GXYLT2: variants seen among roughly 807,000 people sequenced by gnomAD.
The protein encoded by GXYLT2 is glucoside xylosyltransferase 2, also known as glycosyltransferase 8 domain containing 4.
GXYLT2 carries 53 observed loss-of-function variants against 45.8 expected under a neutral mutation model. The ratio of observed to expected loss-of-function variants is 1.16; its 90% confidence interval spans 0.93 to 1.46. The LOEUF (loss-of-function observed/expected upper bound fraction) is 1.46, where lower values mean the gene tolerates loss of function less well. GXYLT2 is among the 40% of genes most tolerant of loss of function. The pLI is 0.00. For synonymous variants in GXYLT2, 219 were observed against 214.2 expected, an observed-to-expected ratio of 1.02 and a Z score of -0.19; for missense variants, 551 against 544.4, an observed-to-expected ratio of 1.01 and a Z score of -0.12.
At chr3:72,925,811 A>G (rs1016959476) in intron 3 of GXYLT2, among the ~76,000 whole-genome samples, 2 of 152,214 alleles carry the variant, frequency 1.3e-5, no homozygotes, top group Non-Finnish European at 2.9e-5. Flanking sequence ...CCAGCTAAGT[A>G]GGTGCTTGGT....
At chr3:72,928,036 CTCTT>C (rs2107108861) in intron 3 of GXYLT2, among the ~76,000 whole-genome samples, 1 of 152,342 alleles carries the variant, frequency 6.6e-6, no homozygotes, top group African/African-American at 2.4e-5. Flanking sequence ...CTCTGTCTCT[CTCTT>C]TCAGTCCCTT....
At position 72,888,105 on chromosome 3, in the gene GXYLT2, C is replaced by T. The variant is rs980268130; in HGVS notation, c.-129C>T. On this transcript the variant is annotated 5_prime_UTR_variant, in exon 1 of 7. Coordinates refer to ENST00000389617, the MANE Select transcript of GXYLT2 (RefSeq NM_001080393.2). ...CCGCCGCCGGCCGCCCGCCGGCCGC[C>T]ACGACCCCAGTCCCCGGCGGGCGGG... The T allele has an allele frequency of 3.7e-6, 2 of 547,080 alleles. No homozygotes were observed. Among genetic ancestry groups the T allele is most frequent in the Non-Finnish European group, 4.6e-6 (2 of 431,886 alleles). 33.9% of individuals were successfully genotyped at this position (547,080 alleles called of 1,614,324 possible). A position where few individuals can be genotyped will look rare whatever the true frequency, so the allele number is the denominator to read the frequency against.
chr3:72,956,084 T>G (rs1575812077), intron 4 of GXYLT2, among the ~76,000 whole-genome samples: 2 of 152,022 alleles, frequency 1.3e-5, no homozygotes, highest in South Asian at 4.1e-4. Flanking sequence ...TTGTATGCCT[T>G]AGAAATTTCC....
intron 2 of GXYLT2, among the ~76,000 whole-genome samples, chr3:72,915,617 A>G (rs1201040961): frequency 6.6e-6 from 1 of 151,854 alleles, no homozygotes; most frequent in Admixed American, 6.6e-5. Flanking sequence ...CGGGCGGATC[A>G]CCTGAGGTTG....
intron 3 of GXYLT2, among the ~76,000 whole-genome samples, chr3:72,935,243 T>G (rs1213390826): frequency 6.6e-6 from 1 of 152,184 alleles, no homozygotes; most frequent in Non-Finnish European, 1.5e-5. Context: ...AAAAAACCTC[T>G]TGTACATTAA....
chr3:72,947,122 A>G (rs1710426751), intron 3 of GXYLT2, among the ~76,000 whole-genome samples: 3 of 152,110 alleles, frequency 2.0e-5, no homozygotes, highest in Admixed American at 2.0e-4. Flanking sequence ...AAAGTGCCCG[A>G]TGAGCTACCA....
chr3:72,950,854 G>A (rs1710509698), intron 3 of GXYLT2, among the ~76,000 whole-genome samples: 1 of 152,320 alleles, frequency 6.6e-6, no homozygotes, highest in South Asian at 2.1e-4. Context: ...CACACTTGGT[G>A]CAGATGGCTG....
In GXYLT2 at chr3:72,888,259, C is replaced by T. The variant is rs960217789; in HGVS notation, c.26C>T (p.Ala9Val). 1 of 994,164 alleles carries T rather than the reference C, an allele frequency of 1.0e-6. No homozygotes were observed. 61.6% of individuals were successfully genotyped at this position (994,164 alleles called of 1,614,324 possible). A position where few individuals can be genotyped will look rare whatever the true frequency, so the allele number is the denominator to read the frequency against. MKLRSKAA[A>V]LLLLALAALL... The stretch of plus-strand genomic sequence containing the variant: ...ATGAAGCTCCGCAGCAAGGCGGCGG[C>T]GCTGCTCTTGCTCGCGCTGGCCGCG... The change falls in exon 1 of 7, where the codon GCG (alanine) becomes GTG (valine). Residue 9 changes from alanine to valine, a missense_variant. By Grantham distance (64) the Ala-to-Val change is moderately conservative. Transcript: ENST00000389617.
rs766263599 is a variant in GXYLT2 at position 72,908,477 on chromosome 3, A to T, written c.386A>T (p.Lys129Ile). The change falls in exon 2 of 7, where the codon AAA (lysine) becomes ATA (isoleucine). Residue 129 changes from lysine (K) to isoleucine (I), a missense_variant. Transcript: ENST00000389617. ...NRLEETLVML[K>I]SAVLFSHRKI... is the part of the protein sequence containing the mutation. Reference sequence around the variant, plus strand: ...CTGGAGGAGACGCTGGTCATGCTCAAATCAGCTGTGCTTTTTAGCCACAGG... The same window carrying T: ...CTGGAGGAGACGCTGGTCATGCTCATATCAGCTGTGCTTTTTAGCCACAGG... 1.9e-6 allele frequency: 3 copies of T among 1,613,982 alleles called. No homozygotes were observed. The highest frequency in any genetic ancestry group is 2.5e-6 in the Non-Finnish European group (3 of 1,179,866).
chr3:72,964,129 G>A (rs1430599497), intron 5 of GXYLT2, among the ~76,000 whole-genome samples: 1 of 151,934 alleles, frequency 6.6e-6, no homozygotes, highest in Non-Finnish European at 1.5e-5. Flanking sequence ...CTTTACTGCT[G>A]TTAAATCGAG....
chr3:72,909,371 G>T (rs997885882), intron 2 of GXYLT2, among the ~76,000 whole-genome samples: 11 of 150,408 alleles, frequency 7.3e-5, no homozygotes, highest in African/African-American at 2.0e-4. Flanking sequence ...CGCCTGGCCG[G>T]TTTTTTTTTC....
chr3:72,967,054 C>G (rs1024145216), intron 5 of GXYLT2, among the ~76,000 whole-genome samples: 1 of 152,218 alleles, frequency 6.6e-6, no homozygotes, highest in Non-Finnish European at 1.5e-5. Context: ...AGGTGTGAGC[C>G]ACCACACCCA....
intron 3 of GXYLT2, among the ~76,000 whole-genome samples, chr3:72,932,059 T>C (rs796851124): frequency 5.3e-4 from 80 of 152,064 alleles, no homozygotes; most frequent in African/African-American, 1.8e-3. Context: ...ATTCTGTGGA[T>C]TGTCTTTTAA....
chr3:72,897,385 G>A (rs1379815880), intron 1 of GXYLT2, among the ~76,000 whole-genome samples: 1 of 152,206 alleles, frequency 6.6e-6, no homozygotes, highest in African/African-American at 2.4e-5. Context: ...AGGTCTGGGT[G>A]TGCAACCTCC....
chr3:72,902,117 A>G (rs1160143695), intron 1 of GXYLT2, among the ~76,000 whole-genome samples: 1 of 152,108 alleles, frequency 6.6e-6, no homozygotes, highest in East Asian at 1.9e-4. Context: ...CTTTTTGGCT[A>G]TTGGGAATAA....
Position 72,888,153 on chromosome 3 carries a change from C to G in GXYLT2, c.-81C>G. Reference sequence around the variant, plus strand: ...GGGCGGAGGAGGCGACCGCCGCGCGCTGCTGCACTCATCCTGCCGCCGCCG... The same window carrying G: ...GGGCGGAGGAGGCGACCGCCGCGCGGTGCTGCACTCATCCTGCCGCCGCCG... On this transcript the variant is annotated 5_prime_UTR_variant, in exon 1 of 7. Coordinates refer to ENST00000389617, the MANE Select transcript of GXYLT2 (RefSeq NM_001080393.2). The G allele has an allele frequency of 1.1e-6, 1 of 935,856 alleles. No individual in the cohort carries two copies. The highest frequency in any genetic ancestry group is 1.3e-6 in the Non-Finnish European group (1 of 786,606). 58.0% of individuals were successfully genotyped at this position (935,856 alleles called of 1,614,324 possible).
At chr3:72,955,590 C>G (rs1710624983) in intron 4 of GXYLT2, among the ~76,000 whole-genome samples, 1 of 152,222 alleles carries the variant, frequency 6.6e-6, no homozygotes, top group Admixed American at 6.5e-5. Context: ...TGTTGCATTT[C>G]TGAATTCCAT....
At chr3:72,919,344 G>GTGACATT (rs1268170781) in intron 2 of GXYLT2, among the ~76,000 whole-genome samples, 4 of 152,150 alleles carry the variant, frequency 2.6e-5, no homozygotes, top group African/African-American at 9.7e-5. Context: ...AAAAAGACAT[G>GTGACATT]TAGGAGACCT....
At chr3:72,909,173 A>G (rs906332099) in intron 2 of GXYLT2, among the ~76,000 whole-genome samples, 5 of 141,608 alleles carry the variant, frequency 3.5e-5, no homozygotes, top group African/African-American at 1.3e-4. Flanking sequence ...GGTTCAAGCG[A>G]TTCTTCTGCC....
Sources: allele counts gnomAD v4.1 joint callset (sites outside exome capture counted in the v4.1 genomes callset), GRCh38; gene constraint gnomAD v4.1.1; transcripts MANE v1.5; gene names NCBI Gene and HGNC (gene_info 2026-07-23, HGNC 2026-07-21).